The following ZNF407 variants were observed in gnomAD, a reference collection of about 807,000 sequenced individuals.
The protein encoded by ZNF407 is zinc finger protein 407.
ZNF407 carries 17 observed loss-of-function variants against 131.2 expected under a neutral mutation model. The observed-to-expected ratio is 0.13, with a 90% confidence interval of 0.09 to 0.19. The LOEUF is 0.19. ZNF407 is among the 10% of genes least tolerant of loss of function. ZNF407 has a pLI of 1.00. For missense variants in ZNF407, 2,681 were observed against 2,830.6 expected (o/e 0.95, Z 1.20); for synonymous variants, 1,156 against 1,062.0 (o/e 1.09, Z -1.72).
intron 3 of ZNF407, among the ~76,000 whole-genome samples, chr18:74,656,084 G>A (rs972501451): frequency 3.9e-5 from 6 of 151,962 alleles, no homozygotes; most frequent in Non-Finnish European, 7.4e-5. Context: ...TGCTGCTTCT[G>A]TATACATTTA....
At position 74,755,887 on chromosome 18, in the gene ZNF407, T is replaced by TCC. The variant is rs1348027060; in HGVS notation, c.4803-25541_4803-25540insCC. ...TTCCTTCCTTCCTCTTTTCCTTCCT[T>TCC]TTTTTTTTTTTTTTTTTTTTTTTTG... On this transcript the variant is annotated intron_variant, in intron 3 of 8. Coordinates refer to ENST00000299687, the MANE Select transcript of ZNF407 (RefSeq NM_017757.3). 5.9e-3 allele frequency among the ~76,000 whole-genome samples: 246 copies of TCC among 41,354 alleles called. 2 individuals carry two copies. The highest frequency in any genetic ancestry group is 0.028 in the African/African-American group (241 of 8,712). 27.1% of individuals were successfully genotyped at this position (41,354 alleles called of 152,430 possible).
At chr18:74,603,906 A>G (rs1223797198) in intron 1 of ZNF407, among the ~76,000 whole-genome samples, 2 of 152,210 alleles carry the variant, frequency 1.3e-5, no homozygotes, top group African/African-American at 4.8e-5. Flanking sequence ...ATTAGTGGAC[A>G]TTAAGGATTT....
At chr18:74,776,836 A>T (rs1969482903) in intron 3 of ZNF407, among the ~76,000 whole-genome samples, 1 of 152,250 alleles carries the variant, frequency 6.6e-6, no homozygotes, top group Non-Finnish European at 1.5e-5. Context: ...AATAAGTTAG[A>T]GAAAACGTTA....
At chr18:74,884,412 A>G (rs1160901589) in intron 6 of ZNF407, among the ~76,000 whole-genome samples, 1 of 152,218 alleles carries the variant, frequency 6.6e-6, no homozygotes, top group Non-Finnish European at 1.5e-5. Context: ...TTACAAATTG[A>G]CTATTATATA....
intron 8 of ZNF407, among the ~76,000 whole-genome samples, chr18:75,058,143 C>T (rs921691749): frequency 6.6e-6 from 1 of 152,128 alleles, no homozygotes; most frequent in Non-Finnish European, 1.5e-5. Context: ...AGCTTAACCC[C>T]TCCACCCCCG....
intron 3 of ZNF407, among the ~76,000 whole-genome samples, chr18:74,723,363 A>C (rs911860188): frequency 1.3e-5 from 2 of 152,076 alleles, no homozygotes; most frequent in Non-Finnish European, 2.9e-5. Flanking sequence ...TTTGTATTGC[A>C]TCTTGAGCAT....
rs1038109100 is a variant in ZNF407, at chr18:75,005,892, G to T, written c.5429-57258G>T. Among the ~76,000 whole-genome samples, 15 of 152,066 alleles carry T rather than the reference G, an allele frequency of 9.9e-5. 1 individual carries two copies. The highest frequency in any genetic ancestry group is 9.2e-4 in the Admixed American group (14 of 15,276). ...ATCCTGCAACAAACCTCAGACTTGG[G>T]AATGTATGTTTGAGGAGACTAAAGT... is the stretch of plus-strand genomic sequence containing the variant. On this transcript the variant is annotated intron_variant, in intron 8 of 8. Coordinates refer to ENST00000299687, the MANE Select transcript of ZNF407 (RefSeq NM_017757.3).
At chr18:74,786,483 T>C (rs1969714519) in intron 4 of ZNF407, among the ~76,000 whole-genome samples, 1 of 152,026 alleles carries the variant, frequency 6.6e-6, no homozygotes, top group South Asian at 2.1e-4. Flanking sequence ...TCTTTTTTTT[T>C]TCCCCATGAT....
rs201662777 is a variant in ZNF407, at chr18:75,063,423, G to C, written c.5702G>C (p.Arg1901Pro). The C allele has an allele frequency of 1.9e-6, 3 of 1,609,700 alleles. No homozygotes were observed. The African/African-American group carries it at 4.0e-5, about 22-fold the overall frequency. Reference protein sequence around the residue: ...QTLAMAGQVARVVHITEDGQV... With the variant: ...QTLAMAGQVAPVVHITEDGQV... The stretch of plus-strand genomic sequence containing the variant: ...CTGGCCATGGCCGGCCAGGTGGCCC[G>C]GGTGGTGCATATCACGGAGGATGGC... The change falls in exon 9 of 9, where the codon CGG becomes CCG. Residue 1901 changes from arginine to proline, a missense_variant. Around this residue, in one of 6 missense-constraint regions of ZNF407, gnomAD observed 620 missense variants for 583.1 expected, o/e 1.06. Coordinates refer to ENST00000299687, the MANE Select transcript of ZNF407 (RefSeq NM_017757.3). The surrounding 1 kb of genome is among the most constrained non-coding windows in gnomAD (Gnocchi z 6.6).
At chr18:74,759,819 A>G (rs916144244) in intron 3 of ZNF407, among the ~76,000 whole-genome samples, 2 of 139,106 alleles carry the variant, frequency 1.4e-5, no homozygotes, top group African/African-American at 5.4e-5. Flanking sequence ...TTTTTTTTTG[A>G]ACATTTTTAT....
At chr18:74,692,983 C>T (rs1441199345) in intron 3 of ZNF407, among the ~76,000 whole-genome samples, 3 of 152,206 alleles carry the variant, frequency 2.0e-5, no homozygotes, top group African/African-American at 7.2e-5. Flanking sequence ...CCCCACATGC[C>T]CCAGTCTTTC....
chr18:74,894,801 G>A (rs780437177), intron 7 of ZNF407, among the ~76,000 whole-genome samples: 3 of 152,046 alleles, frequency 2.0e-5, no homozygotes, highest in Non-Finnish European at 4.4e-5. Context: ...AACTGAAATG[G>A]CAAGCCAGAC....
intron 7 of ZNF407, among the ~76,000 whole-genome samples, chr18:74,906,611 TATC>T (rs1264486678): frequency 2.0e-5 from 3 of 152,242 alleles, no homozygotes; most frequent in Admixed American, 6.5e-5. Context: ...TCAATAAAAA[TATC>T]ATCAGTAGTT....
At chr18:74,838,440 A>C (rs1223231848) in intron 4 of ZNF407, among the ~76,000 whole-genome samples, 3 of 152,136 alleles carry the variant, frequency 2.0e-5, no homozygotes, top group Non-Finnish European at 1.5e-5. Flanking sequence ...CACTCCTTAC[A>C]GGATGGTTTG....
intron 8 of ZNF407, among the ~76,000 whole-genome samples, chr18:75,053,588 T>C (rs1973526966): frequency 6.6e-6 from 1 of 152,234 alleles, no homozygotes; most frequent in Admixed American, 6.5e-5. Flanking sequence ...TATGTTATTC[T>C]GTAGAGCCCA....
chr18:74,892,534 T>C lies in ZNF407; in HGVS notation c.5249+2496T>C, dbSNP rs560598219. ...CAGGGTTTCAGGTTTCCCCTCAACT[T>C]TCCATCTCAGGAGACTGCTCAACAA... On this transcript the variant is annotated intron_variant, in intron 7 of 8. Transcript: ENST00000299687. 2.6e-5 allele frequency among the ~76,000 whole-genome samples: 4 copies of C among 152,288 alleles called. No individual in the cohort carries two copies. The East Asian group carries it at 7.7e-4, about 29-fold the overall frequency.
rs530995330 is a variant in ZNF407, at chr18:74,705,838, G to T, written c.4802+64716G>T. On this transcript the variant is annotated intron_variant, in intron 3 of 8. Transcript: ENST00000299687. ...TCTTTTGCAGGTGAGAACAAACTAT[G>T]CATATAAAATACGAAACTATGGTTA... Among the ~76,000 whole-genome samples the T allele has an allele frequency of 3.3e-5, 5 of 152,272 alleles. No individual in the cohort carries two copies. The South Asian group carries it at 1.0e-3, about 32-fold the overall frequency.
At chr18:74,665,172 A>G (rs1985883345) in intron 3 of ZNF407, among the ~76,000 whole-genome samples, 1 of 152,246 alleles carries the variant, frequency 6.6e-6, no homozygotes, top group African/African-American at 2.4e-5. Flanking sequence ...TAGTTTGGCT[A>G]CACAGAGCAG....
chr18:74,764,403 C>T (rs1181663259), intron 3 of ZNF407, among the ~76,000 whole-genome samples: 1 of 151,984 alleles, frequency 6.6e-6, no homozygotes, highest in African/African-American at 2.4e-5. Flanking sequence ...TGTTTTATTT[C>T]TAGACATGTG....
Sources: gnomAD v4.1 joint callset for allele counts (sites outside exome capture counted in the v4.1 genomes callset) on GRCh38, gnomAD v4.1.1 for gene constraint, gnomAD v4.1.1 regional missense constraint, Gnocchi (gnomAD v3.1) non-coding constraint, MANE v1.5 for transcripts, NCBI Gene and HGNC (gene_info 2026-07-23, HGNC 2026-07-21) for gene names.